ZNF568: variants seen among roughly 807,000 people sequenced by gnomAD.
ZNF568 encodes the protein zinc finger protein 568.
ZNF568 carries 11 observed loss-of-function variants against 18.1 expected under a neutral mutation model. That is an observed-to-expected ratio of 0.61 (90% CI 0.38 to 1.00). The LOEUF is 1.00. ZNF568 is among the 50% of genes least tolerant of loss of function. ZNF568 has a pLI of 0.01. For synonymous variants in ZNF568, 213 were observed against 246.6 expected, an observed-to-expected ratio of 0.86 and a Z score of 1.28; for missense variants, 639 against 768.2, an observed-to-expected ratio of 0.83 and a Z score of 1.99.
At chr19:36,938,910 T>A (rs907361580) in intron 6 of ZNF568, among the ~76,000 whole-genome samples, 6 of 152,216 alleles carry the variant, frequency 3.9e-5, no homozygotes, top group Non-Finnish European at 7.3e-5. Context: ...TGATTTTTGT[T>A]CCTTGAAATG....
chr19:36,920,791 C>CCACT (rs71266564), intron 2 of ZNF568, among the ~76,000 whole-genome samples: 89,274 of 151,330 alleles, frequency 0.59, 27,397 homozygotes, highest in African/African-American at 0.75. Flanking sequence ...CGTTCACTCG[C>CCACT]CACTCACTCA....
chr19:36,987,822 C>CTGTGTGTGTATGTGTGTGTGTG (rs2074388956), intron 2 of ZNF568, among the ~76,000 whole-genome samples: 1 of 146,300 alleles, frequency 6.8e-6, no homozygotes, highest in Non-Finnish European at 1.5e-5. Context: ...AACACAGACT[C>CTGTGTGTGTATGTGTGTGTGTG]TGTGTGTGTG....
chr19:36,948,876 C>T (rs548910028), intron 6 of ZNF568, among the ~76,000 whole-genome samples: 50 of 152,074 alleles, frequency 3.3e-4, no homozygotes, highest in African/African-American at 1.0e-3. Context: ...ACCTTTTGAG[C>T]GCCTAGATTC....
chr19:36,993,850 C>T (rs897562669), intron 4 of ZNF568, among the ~76,000 whole-genome samples: 1 of 152,012 alleles, frequency 6.6e-6, no homozygotes, highest in Non-Finnish European at 1.5e-5. Flanking sequence ...CAAAGACCAA[C>T]TTTTGGTCTC....
At chr19:36,964,530 G>C (rs2074179507) in intron 6 of ZNF568, among the ~76,000 whole-genome samples, 1 of 152,162 alleles carries the variant, frequency 6.6e-6, no homozygotes, top group South Asian at 2.1e-4. Context: ...ATAATGAAGT[G>C]AGCCAGGCAT....
At chr19:36,989,269 G>A (rs1323061197) in intron 2 of ZNF568, among the ~76,000 whole-genome samples, 1 of 152,100 alleles carries the variant, frequency 6.6e-6, no homozygotes, top group Non-Finnish European at 1.5e-5. Context: ...TGCAACCTCT[G>A]CCTCCCAGGT....
chr19:36,966,326 G>T (rs558097558), intron 6 of ZNF568, among the ~76,000 whole-genome samples: 1 of 152,110 alleles, frequency 6.6e-6, no homozygotes, highest in African/African-American at 2.4e-5. Context: ...TCCCAGGCTG[G>T]TCTCCAACTC....
chr19:36,920,619 T>TAA lies in ZNF568; in HGVS notation c.-185-1953_-185-1952dup, dbSNP rs35877781. ...CTGGGTGACAGAGTGAGACTCCATCTAAAAAAAAAAAAAAATGAAAAGCTT... is the reference window on the plus strand; with the variant it reads ...CTGGGTGACAGAGTGAGACTCCATCTAAAAAAAAAAAAAAAAATGAAAAGCTT... On this transcript the variant is annotated intron_variant, in intron 2 of 6. Coordinates refer to ENST00000333987, the MANE Select transcript of ZNF568 (RefSeq NM_198539.4). Among the ~76,000 whole-genome samples, 861 of 139,762 alleles carry TAA rather than the reference T, an allele frequency of 6.2e-3. 3 individuals are homozygous for TAA. Among genetic ancestry groups the TAA allele is most frequent in the Admixed American group, 0.011 (159 of 13,962 alleles). The allele number at this position is 139,762 out of a possible 152,430, so 91.7% of individuals were successfully genotyped here.
In ZNF568 at chr19:36,950,116, C is replaced by T. The variant is rs773436381; in HGVS notation, c.963C>T (p.Leu321=). ...AAGCCTTCAGTCAGAAATCAAATCT[C>T]ATTGAACATGAGCGAATTCACACTG... is the stretch of plus-strand genomic sequence containing the variant. ...CWKAFSQKSN[L]IEHERIHTGE... The change falls in exon 7 of 7, where the codon CTC becomes CTT. Residue 321 remains leucine, a synonymous_variant. Transcript: ENST00000333987. The T allele has an allele frequency of 8.7e-6, 14 of 1,613,646 alleles. No homozygotes were observed. The highest frequency in any genetic ancestry group is 1.2e-5 in the Non-Finnish European group (14 of 1,179,910).
At chr19:36,955,248 TTTTG>T (rs777475646), downstream of ZNF568, among the ~76,000 whole-genome samples, 161 of 152,252 alleles carry the variant, frequency 1.1e-3, no homozygotes, top group Admixed American at 2.2e-3. Context: ...TTTTAATGTT[TTTTG>T]TTTGTTTGTT....
chr19:36,994,693 A>G (rs1294839260), intron 4 of ZNF568, among the ~76,000 whole-genome samples: 2 of 151,954 alleles, frequency 1.3e-5, no homozygotes, highest in South Asian at 2.1e-4. Flanking sequence ...TTTTTCTGAG[A>G]TGGAGTCTAG....
At chr19:36,966,838 T>C (rs1354173715) in intron 6 of ZNF568, among the ~76,000 whole-genome samples, 2 of 152,224 alleles carry the variant, frequency 1.3e-5, no homozygotes, top group Non-Finnish European at 1.5e-5. Flanking sequence ...AGATCTTGCA[T>C]ATCTGGCCTG....
rs1370457648 is a variant in ZNF568 at position 36,917,636 on chromosome 19, G to T, written c.-198G>T. Reference sequence around the variant, plus strand: ...TTACATCCGTTTATCTTGTTTGACTGTTATTTTAATAGGTGAGTATAGTTC... The same window carrying T: ...TTACATCCGTTTATCTTGTTTGACTTTTATTTTAATAGGTGAGTATAGTTC... On this transcript the variant is annotated 5_prime_UTR_variant, in exon 2 of 7. Transcript: ENST00000333987. 6.6e-6 allele frequency: 1 copy of T among 152,116 alleles called. No individual in the cohort carries two copies. The highest frequency in any genetic ancestry group is 1.9e-4 in the East Asian group (1 of 5,194). 9.4% of individuals were successfully genotyped at this position (152,116 alleles called of 1,614,324 possible).
chr19:36,991,153 GGT>G (rs748397430), intron 2 of ZNF568: 88 of 1,516,852 alleles, frequency 5.8e-5, no homozygotes, highest in Middle Eastern at 1.7e-4. Context: ...TTTCACAAAT[GGT>G]GTATTTATTT....
chr19:36,928,078 C>T (rs1364789698), intron 4 of ZNF568, among the ~76,000 whole-genome samples: 1 of 149,966 alleles, frequency 6.7e-6, no homozygotes, highest in Non-Finnish European at 1.5e-5. Context: ...CCATGCCTGG[C>T]TAAGTTTTTG....
chr19:36,971,298 A>G (rs779449168), intron 6 of ZNF568, among the ~76,000 whole-genome samples: 2 of 146,798 alleles, frequency 1.4e-5, no homozygotes, highest in Non-Finnish European at 3.0e-5. Context: ...TTTTTGCTTT[A>G]TTTTGCTCTT....
At chr19:36,936,707 T>C in intron 4 of ZNF568, 39 bp from the exon 5 acceptor site, 2 of 1,590,264 alleles carry the variant, frequency 1.3e-6, no homozygotes, top group Non-Finnish European at 1.7e-6. Flanking sequence ...AATGCCTAAT[T>C]TTGATGACTT....
intron 4 of ZNF568, among the ~76,000 whole-genome samples, chr19:36,992,502 GA>G (rs1310857916): frequency 6.0e-5 from 9 of 150,266 alleles, no homozygotes; most frequent in African/African-American, 1.2e-4. Flanking sequence ...ACTCCATCTT[GA>G]AAAAAAAAGA....
chr19:36,977,146 T>G (rs752119104), intron 7 of ZNF568, among the ~76,000 whole-genome samples: 4 of 152,222 alleles, frequency 2.6e-5, no homozygotes, highest in Non-Finnish European at 4.4e-5. Context: ...TCAACTCTTT[T>G]CTTAAAATTT....
Sources: allele counts gnomAD v4.1 joint callset (sites outside exome capture counted in the v4.1 genomes callset), GRCh38; gene constraint gnomAD v4.1.1; transcripts MANE v1.5; gene names NCBI Gene and HGNC (gene_info 2026-07-23, HGNC 2026-07-21).